SPATA9: variants seen among roughly 807,000 people sequenced by gnomAD.
SPATA9 encodes the protein spermatogenesis associated 9.
A neutral mutation model predicts 25.5 loss-of-function variants in SPATA9; 27 were observed. The observed-to-expected ratio is 1.06, with a 90% CI of 0.78 to 1.46. The LOEUF is 1.46. Ranked by LOEUF, SPATA9 falls within the 40% of genes most tolerant of loss-of-function variation. SPATA9 has a pLI of 0.00. For missense variants in SPATA9, 282 were observed against 297.5 expected (o/e 0.95, Z 0.38); for synonymous variants, 102 against 105.7 (o/e 0.97, Z 0.21).
At chr5:95,662,374 G>C (rs530640784) in intron 4 of SPATA9, among the ~76,000 whole-genome samples, 39 of 152,254 alleles carry the variant, frequency 2.6e-4, no homozygotes, top group Middle Eastern at 3.4e-3. Flanking sequence ...AAGCACGTAA[G>C]ATAAAGGAAA....
chr5:95,714,648 A>G, the SPATA9 span, among the ~76,000 whole-genome samples: 1 of 151,936 alleles, frequency 6.6e-6, no homozygotes, highest in Non-Finnish European at 1.5e-5. Context: ...AGAAAGAGAG[A>G]ATCATTTTTA....
At chr5:95,673,842 C>G (rs1177109168) in intron 3 of SPATA9, among the ~76,000 whole-genome samples, 4 of 151,444 alleles carry the variant, frequency 2.6e-5, no homozygotes, top group Admixed American at 2.0e-4. Flanking sequence ...CCTCCCAGTT[C>G]AAGTGATTCT....
At chr5:95,719,109 G>A in the SPATA9 span, among the ~76,000 whole-genome samples, 1 of 152,170 alleles carries the variant, frequency 6.6e-6, no homozygotes, top group Non-Finnish European at 1.5e-5. Flanking sequence ...AGAGAACATG[G>A]ACATATCTGG....
At chr5:95,689,082 C>T (rs1336580243) in intron 1 of SPATA9, among the ~76,000 whole-genome samples, 2 of 152,088 alleles carry the variant, frequency 1.3e-5, no homozygotes, top group Non-Finnish European at 1.5e-5. Flanking sequence ...TTTTTCTCCA[C>T]AAAACACTGC....
intron 3 of SPATA9, among the ~76,000 whole-genome samples, chr5:95,665,748 G>A (rs919412013): frequency 6.6e-6 from 1 of 152,214 alleles, no homozygotes; most frequent in African/African-American, 2.4e-5. Flanking sequence ...ACCAAGGCAG[G>A]TGGATCACCT....
chr5:95,697,848 T>C (rs759350502), intron 1 of SPATA9, among the ~76,000 whole-genome samples: 1 of 148,286 alleles, frequency 6.7e-6, no homozygotes, highest in Non-Finnish European at 1.5e-5. Context: ...TGTCAGTCAT[T>C]CTTTCAAGTG....
chr5:95,652,243 C>A, downstream of SPATA9: 1 of 1,545,784 alleles, frequency 6.5e-7, no homozygotes, highest in South Asian at 1.2e-5. Context: ...TCTTGCCTCT[C>A]TACAACCTCT....
chr5:95,664,283 A>T (rs1006234066), intron 3 of SPATA9, among the ~76,000 whole-genome samples: 3 of 152,206 alleles, frequency 2.0e-5, no homozygotes, highest in African/African-American at 4.8e-5. Flanking sequence ...CATTTCTGCG[A>T]TCTAAATGAC....
chr5:95,675,819 C>CTTTTT (rs33943918), intron 2 of SPATA9, among the ~76,000 whole-genome samples, 180 bp from the exon 3 acceptor site: 2 of 108,022 alleles, frequency 1.9e-5, no homozygotes, highest in Non-Finnish European at 3.6e-5. Flanking sequence ...GTACTTAAAC[C>CTTTTT]TTTTTTTTTT....
chr5:95,654,319 C>T (rs577168629), downstream of SPATA9: 5 of 1,609,118 alleles, frequency 3.1e-6, no homozygotes, highest in South Asian at 3.3e-5. Flanking sequence ...AGGTAATATT[C>T]AATTCCTTTT....
the SPATA9 span, among the ~76,000 whole-genome samples, chr5:95,724,999 C>A: frequency 6.6e-6 from 1 of 151,640 alleles, no homozygotes; most frequent in African/African-American, 2.4e-5. Flanking sequence ...AAAAGTGAGA[C>A]CCCATGTCTT....
At chr5:95,700,724 G>T (rs1754160359), upstream of SPATA9, among the ~76,000 whole-genome samples, 1 of 152,064 alleles carries the variant, frequency 6.6e-6, no homozygotes, top group Non-Finnish European at 1.5e-5. Flanking sequence ...ACTGTGCCCG[G>T]CCCCAATAAC....
At chr5:95,702,060 C>G (rs139243397), upstream of SPATA9, among the ~76,000 whole-genome samples, 1 of 152,208 alleles carries the variant, frequency 6.6e-6, no homozygotes, top group African/African-American at 2.4e-5. Flanking sequence ...TTTCATGATA[C>G]CAAAATTCTC....
chr5:95,714,532 G>A, the SPATA9 span, among the ~76,000 whole-genome samples: 2 of 152,128 alleles, frequency 1.3e-5, no homozygotes, highest in African/African-American at 4.8e-5. Context: ...AGTGTCCTTC[G>A]GATTGGGCAA....
At chr5:95,660,494 A>T (rs1281101640) in intron 4 of SPATA9, among the ~76,000 whole-genome samples, 1 of 152,196 alleles carries the variant, frequency 6.6e-6, no homozygotes. Context: ...ATCTTTATCG[A>T]TTAAGATACT....
the SPATA9 span, among the ~76,000 whole-genome samples, chr5:95,707,944 G>T: frequency 1.4e-4 from 21 of 152,184 alleles, no homozygotes; most frequent in Admixed American, 4.6e-4. Context: ...TAACAAGGGG[G>T]TTATATTGAG....
At chr5:95,720,306 A>T in the SPATA9 span, among the ~76,000 whole-genome samples, 1 of 146,228 alleles carries the variant, frequency 6.8e-6, no homozygotes, top group South Asian at 2.3e-4. Context: ...TCAGTTGTTT[A>T]GAATAGTGAC....
At chr5:95,667,748 A>G (rs1416294630) in intron 3 of SPATA9, among the ~76,000 whole-genome samples, 1 of 152,132 alleles carries the variant, frequency 6.6e-6, no homozygotes, top group Non-Finnish European at 1.5e-5. Context: ...TATGGGTTGG[A>G]TCTGTGTCCC....
the SPATA9 span, among the ~76,000 whole-genome samples, chr5:95,723,076 A>C: frequency 6.6e-6 from 1 of 152,220 alleles, no homozygotes; most frequent in South Asian, 2.1e-4. Flanking sequence ...TGGATTTCAC[A>C]TGTACATAAC....
Sources: allele counts gnomAD v4.1 joint callset (sites outside exome capture counted in the v4.1 genomes callset), GRCh38; gene constraint gnomAD v4.1.1; transcripts MANE v1.5; gene names NCBI Gene and HGNC (gene_info 2026-07-23, HGNC 2026-07-21).